The following RGS6 variants were observed in gnomAD, a reference collection of about 807,000 sequenced individuals.
RGS6 encodes regulator of G protein signaling 6.
A neutral mutation model predicts 78.5 loss-of-function variants in RGS6; 30 were observed. That is an observed-to-expected ratio of 0.38 (90% CI 0.29 to 0.52). The LOEUF (loss-of-function observed/expected upper bound fraction) is 0.52, where lower values mean the gene tolerates loss of function less well. RGS6 is among the 20% of genes least tolerant of loss of function. The pLI is 0.85. For missense variants in RGS6, 495 were observed against 609.7 expected, an observed-to-expected ratio of 0.81 and a Z score of 1.98; for synonymous variants, 206 against 206.0, an observed-to-expected ratio of 1.00 and a Z score of 0.00.
the RGS6 span, among the ~76,000 whole-genome samples, chr14:72,572,887 G>T: frequency 6.6e-6 from 1 of 151,648 alleles, no homozygotes; most frequent in Admixed American, 6.6e-5. Context: ...AGGAGGGAGG[G>T]AGGGAAACAG....
chr14:71,976,663 G>A (rs1228359033), intron 2 of RGS6, among the ~76,000 whole-genome samples: 1 of 152,084 alleles, frequency 6.6e-6, no homozygotes, highest in Non-Finnish European at 1.5e-5. Flanking sequence ...GTCTATCATT[G>A]TTGGACATTT....
intron 2 of RGS6, among the ~76,000 whole-genome samples, chr14:72,030,362 T>G (rs2090641917): frequency 6.6e-6 from 1 of 152,058 alleles, no homozygotes; most frequent in Non-Finnish European, 1.5e-5. Context: ...GGAGGCATAT[T>G]TAAAAGATAA....
intron 2 of RGS6, among the ~76,000 whole-genome samples, chr14:72,292,810 G>A (rs1334496024): frequency 6.6e-6 from 1 of 152,218 alleles, no homozygotes; most frequent in Non-Finnish European, 1.5e-5. Context: ...AGGTGCATGA[G>A]GAATTGAAAT....
At chr14:72,120,465 T>C (rs1309149271) in intron 2 of RGS6, among the ~76,000 whole-genome samples, 1 of 152,128 alleles carries the variant, frequency 6.6e-6, no homozygotes, top group Non-Finnish European at 1.5e-5. Flanking sequence ...AACCTGCCGT[T>C]TTAAAGATGA....
intron 3 of RGS6, among the ~76,000 whole-genome samples, chr14:72,395,151 A>T (rs1267973321): frequency 6.6e-6 from 1 of 152,198 alleles, no homozygotes; most frequent in African/African-American, 2.4e-5. Context: ...GAAAAATGGC[A>T]GTATGTTTCT....
chr14:72,328,975 G>A (rs747205851), intron 2 of RGS6, among the ~76,000 whole-genome samples: 2 of 152,184 alleles, frequency 1.3e-5, no homozygotes, highest in Non-Finnish European at 2.9e-5. Context: ...TAGTTCAAGC[G>A]ATTCTCCTGC....
intron 3 of RGS6, among the ~76,000 whole-genome samples, chr14:72,415,502 C>T (rs563281477): frequency 6.6e-6 from 1 of 152,362 alleles, no homozygotes; most frequent in South Asian, 2.1e-4. Flanking sequence ...GAGGCGATGC[C>T]TCGCCCTGCT....
chr14:72,070,053 T>C (rs1395489059), intron 2 of RGS6, among the ~76,000 whole-genome samples: 1 of 152,212 alleles, frequency 6.6e-6, no homozygotes, highest in South Asian at 2.1e-4. Flanking sequence ...TTTGCCCTTA[T>C]TCTAAACTGT....
At chr14:72,389,686 C>T (rs1033882641) in intron 3 of RGS6, among the ~76,000 whole-genome samples, 1 of 152,140 alleles carries the variant, frequency 6.6e-6, no homozygotes, top group African/African-American at 2.4e-5. Flanking sequence ...CTCCTAAGAT[C>T]CCCCAATAAT....
intron 1 of RGS6, among the ~76,000 whole-genome samples, chr14:71,948,304 G>A (rs1202199881): frequency 1.3e-5 from 2 of 152,140 alleles, no homozygotes; most frequent in African/African-American, 2.4e-5. Flanking sequence ...ACGATGGTTC[G>A]ATCTGTGTGT....
At chr14:72,570,592 A>G (rs1457233481), downstream of RGS6, among the ~76,000 whole-genome samples, 1 of 152,202 alleles carries the variant, frequency 6.6e-6, no homozygotes, top group Non-Finnish European at 1.5e-5. Context: ...GCTCCTACCA[A>G]TTACTCTGGA....
At chr14:72,086,569 TC>T (rs764531131) in intron 2 of RGS6, among the ~76,000 whole-genome samples, 4 of 152,200 alleles carry the variant, frequency 2.6e-5, no homozygotes, top group Non-Finnish European at 4.4e-5. Context: ...ATTTCATTCT[TC>T]CCTGAGCCCT....
intron 2 of RGS6, among the ~76,000 whole-genome samples, chr14:72,285,051 A>G (rs1398304025): frequency 1.3e-5 from 2 of 152,188 alleles, no homozygotes; most frequent in African/African-American, 4.8e-5. Flanking sequence ...CATTGTATCT[A>G]GGAAGTAACT....
chr14:72,335,458 G>T (rs2075856303), intron 2 of RGS6, among the ~76,000 whole-genome samples: 1 of 152,142 alleles, frequency 6.6e-6, no homozygotes, highest in Non-Finnish European at 1.5e-5. Flanking sequence ...AAACTGACTT[G>T]CATTTTAAGA....
intron 11 of RGS6, 194 bp downstream of exon 11, chr14:72,477,034 C>T: frequency 1.8e-6 from 1 of 566,268 alleles, no homozygotes; most frequent in East Asian, 3.1e-5. Context: ...AATTCTCTAC[C>T]CAGTTCCTCC....
chr14:72,435,444 G>T (rs1013971628), intron 3 of RGS6, among the ~76,000 whole-genome samples: 2 of 152,180 alleles, frequency 1.3e-5, no homozygotes, highest in African/African-American at 4.8e-5. Context: ...GATGGGTGTG[G>T]TCAGGTTACT....
intron 2 of RGS6, among the ~76,000 whole-genome samples, chr14:72,227,957 T>C (rs2048532634): frequency 6.6e-6 from 1 of 152,210 alleles, no homozygotes; most frequent in South Asian, 2.1e-4. Flanking sequence ...GAACCTGTTC[T>C]GTATGAGGGT....
intron 2 of RGS6, among the ~76,000 whole-genome samples, chr14:72,317,093 G>A (rs1305565598): frequency 6.6e-6 from 1 of 152,098 alleles, no homozygotes; most frequent in Admixed American, 6.6e-5. Context: ...TGTAGCACTG[G>A]TTGGTTATGT....
rs532846013 is a variant in RGS6, at chr14:72,201,895, C to T, written c.85-150200C>T. 2.0e-5 allele frequency among the ~76,000 whole-genome samples: 3 copies of T among 152,298 alleles called. No homozygotes were observed. In the South Asian group the frequency reaches 6.2e-4, roughly 32 times the overall value. ...TGGCCAGCAAAGCCTAAAATATTTA[C>T]TTTTTGTATCACAGGAAAAAAAAAT... On this transcript the variant is annotated intron_variant, in intron 2 of 17. Transcript: ENST00000553525.
Sources: gnomAD v4.1 joint callset for allele counts (sites outside exome capture counted in the v4.1 genomes callset) on GRCh38, gnomAD v4.1.1 for gene constraint, MANE v1.5 for transcripts, NCBI Gene and HGNC (gene_info 2026-07-23, HGNC 2026-07-21) for gene names.